Variants in TRRAP observed in about 807,000 individuals in gnomAD.
TRRAP encodes the protein transformation/transcription domain-associated protein.
In TRRAP, 41 loss-of-function variants were observed where a neutral mutation model predicts 438.8. That is an observed-to-expected ratio of 0.09 (90% CI 0.07 to 0.12). The LOEUF (loss-of-function observed/expected upper bound fraction) is 0.12. Ranked by LOEUF, TRRAP falls within the 10% of genes least tolerant of loss-of-function variation. The pLI, the probability that TRRAP is intolerant of heterozygous loss-of-function variation, is 1.00. For missense variants in TRRAP, 3,122 were observed against 5,055.1 expected, an observed-to-expected ratio of 0.62 and a Z score of 11.60; for synonymous variants, 1,994 against 1,962.9, an observed-to-expected ratio of 1.02 and a Z score of -0.42.
chr7:98,986,673 T>C (rs1793163403), intron 62 of TRRAP, among the ~76,000 whole-genome samples: 1 of 152,232 alleles, frequency 6.6e-6, no homozygotes. Context: ...TTTTTGATAG[T>C]GTCCTTTAAT....
In TRRAP at chr7:98,908,595, T is replaced by C; in HGVS notation, c.1116-133T>C. ...GTCATGTATCTGGGAGAGAGTAATG[T>C]GGTGAAAATGGGCCATGTAAGTGTG... is the stretch of plus-strand genomic sequence containing the variant. On this transcript the variant is annotated intron_variant, in intron 13 of 72. Coordinates refer to ENST00000456197, the MANE Select transcript of TRRAP (RefSeq NM_001375524.1). This position sits in a 1 kb window ranked among gnomAD's most constrained non-coding sequence, Gnocchi z 4.1. The C allele has an allele frequency of 1.5e-6, 1 of 688,982 alleles. No homozygotes were observed. Among genetic ancestry groups the C allele is most frequent in the Non-Finnish European group, 2.5e-6 (1 of 399,788 alleles). 42.7% of individuals were successfully genotyped at this position (688,982 alleles called of 1,614,324 possible). A position where few individuals can be genotyped will look rare whatever the true frequency, so the allele number is the denominator to read the frequency against.
intron 28 of TRRAP, among the ~76,000 whole-genome samples, chr7:98,936,598 G>A (rs138350504): frequency 2.8e-3 from 427 of 152,296 alleles, no homozygotes; most frequent in South Asian, 3.7e-3. Context: ...TGGGCTGTGT[G>A]TGTCTGTCCC....
chr7:98,953,154 T>C lies in TRRAP; in HGVS notation c.5464-13T>C, dbSNP rs782764854. 4 of 1,605,198 alleles carry C rather than the reference T, an allele frequency of 2.5e-6. No individual in the cohort carries two copies. In the African/African-American group the frequency reaches 5.4e-5, roughly 22 times the overall value. ...ACAACTGGAAATGAGTCCTTCCTGC[T>C]GTCCCTGCACAGGTCCTGGACCCCG... is the stretch of plus-strand genomic sequence containing the variant. On this transcript the variant is annotated splice_polypyrimidine_tract_variant and intron_variant, in intron 39 of 72. Transcript: ENST00000456197.
chr7:99,002,723 G>GA (rs956156582), intron 67 of TRRAP, among the ~76,000 whole-genome samples: 15 of 150,658 alleles, frequency 1.0e-4, no homozygotes, highest in South Asian at 2.1e-4. Context: ...CAAGTGCTAT[G>GA]AAAAAAAAAC....
intron 39 of TRRAP, 49 bp from the exon 40 acceptor site, chr7:98,953,118 T>G (rs1554418613): frequency 3.2e-6 from 5 of 1,577,308 alleles, no homozygotes; most frequent in Non-Finnish European, 4.3e-6. Context: ...CCTCAGTCAG[T>G]AACCCAGTTC....
intron 69 of TRRAP, among the ~76,000 whole-genome samples, chr7:99,007,051 A>G (rs1377346589): frequency 6.6e-6 from 1 of 152,194 alleles, no homozygotes; most frequent in African/African-American, 2.4e-5. Context: ...TGCATCTCCA[A>G]TACCGAATGG....
rs1796081910 is a variant in TRRAP at position 98,893,891 on chromosome 7, T to G, written c.450+10T>G. Reference sequence around the variant, plus strand: ...ACCGATCACACAAGAAGTAAGTTGTTTAAAATCCTTATAGCATTTATAAAG... The same window carrying G: ...ACCGATCACACAAGAAGTAAGTTGTGTAAAATCCTTATAGCATTTATAAAG... On this transcript the variant is annotated intron_variant, in intron 6 of 72. Coordinates refer to ENST00000456197, the MANE Select transcript of TRRAP (RefSeq NM_001375524.1). 1 of 1,611,582 alleles carries G rather than the reference T, an allele frequency of 6.2e-7. No homozygotes were observed. The highest frequency in any genetic ancestry group is 8.5e-7 in the Non-Finnish European group (1 of 1,179,224).
chr7:99,000,994 A>T lies in TRRAP; in HGVS notation c.10310-3196A>T, dbSNP rs144416142. Among the ~76,000 whole-genome samples the T allele has an allele frequency of 6.1e-3, 935 of 152,358 alleles. 17 individuals carry two copies. Among genetic ancestry groups the T allele is most frequent in the African/African-American group, 0.021 (882 of 41,572 alleles). On this transcript the variant is annotated intron_variant, in intron 67 of 72. Transcript: ENST00000456197. ...TCACTGATGGGTTAAATCGTAGACT[A>T]AGTGGTTCACATGTGTGGTATTCAA...
intron 47 of TRRAP, among the ~76,000 whole-genome samples, chr7:98,963,720 A>C (rs1792027883): frequency 6.6e-6 from 1 of 152,198 alleles, no homozygotes; most frequent in Non-Finnish European, 1.5e-5. Context: ...CTTTTAACAA[A>C]GCTAGCCTGA....
At chr7:99,009,872 A>G (rs1452724087) in intron 70 of TRRAP, among the ~76,000 whole-genome samples, 3 of 124,048 alleles carry the variant, frequency 2.4e-5, no homozygotes, top group South Asian at 2.5e-4. Context: ...CTACTCCTTC[A>G]TTCTTCTCTT....
rs139303071 is a variant in TRRAP, at chr7:98,987,197, C to G, written c.9390-1568C>G. On this transcript the variant is annotated intron_variant, in intron 62 of 72. Coordinates refer to ENST00000456197, the MANE Select transcript of TRRAP (RefSeq NM_001375524.1). The stretch of plus-strand genomic sequence containing the variant: ...GGACTCTCACTTCTATTCCATTGAT[C>G]TGCTATGTAGAGTCTCATATTTCCA... 2.0e-5 allele frequency among the ~76,000 whole-genome samples: 3 copies of G among 152,318 alleles called. No homozygotes were observed. In the East Asian group the frequency reaches 5.8e-4, roughly 29 times the overall value.
intron 19 of TRRAP, among the ~76,000 whole-genome samples, chr7:98,917,176 T>C (rs1292118960): frequency 6.6e-6 from 1 of 152,164 alleles, no homozygotes; most frequent in Non-Finnish European, 1.5e-5. Context: ...TAAAAGGATA[T>C]AGTACTATGA....
rs2116815131 is a variant in TRRAP, at chr7:98,994,677, C to A, written c.10138C>A (p.His3380Asn). Residue 3380 changes from histidine to asparagine, a missense_variant, in exon 67 of 73, where the codon CAC becomes AAC. Coordinates refer to ENST00000456197, the MANE Select transcript of TRRAP (RefSeq NM_001375524.1). The surrounding 1 kb of genome is among the most constrained non-coding windows in gnomAD (Gnocchi z 4.8). The part of the protein sequence containing the change: ...GAVSDAKITP[H>N]TLNFVKKLVS... ...GGTGTCCGATGCTAAAATCACCCCC[C>A]ACACTCTCAATTTTGTGAAGAAGTT... is the stretch of plus-strand genomic sequence containing the variant. 6.2e-7 allele frequency: 1 copy of A among 1,614,208 alleles called. No homozygotes were observed. The highest frequency in any genetic ancestry group is 8.5e-7 in the Non-Finnish European group (1 of 1,180,052).
rs143566861 is a variant in TRRAP, at chr7:98,910,283, C to T, written c.1578C>T (p.Pro526=). 4.9e-5 allele frequency: 78 copies of T among 1,603,458 alleles called. 1 individual carries two copies. In the African/African-American group the frequency reaches 1.0e-3, roughly 21 times the overall value. ...CTGTGACCCCGGCCCCCGTGCCTCC[C>T]TTCGAGAAGCAAGGAGAAAAGGACA... ...ATPVTPAPVP[P]FEKQGEKDKE... The change falls in exon 15 of 73, where the codon CCC becomes CCT. Residue 526 remains proline, a synonymous_variant. Transcript: ENST00000456197.
Position 99,012,540 on chromosome 7 carries a change from TA to T in TRRAP, c.*186del. ...AATATAGTTTTAGAGGAAGCTGAAC[TA>T]TGACGATGCTGGGCGAAGCGGTTGG... On this transcript the variant is annotated 3_prime_UTR_variant, in exon 73 of 73. Transcript: ENST00000456197. This position sits in a 1 kb window ranked among gnomAD's most constrained non-coding sequence, Gnocchi z 5.9. 1.4e-6 allele frequency: 1 copy of T among 723,690 alleles called. No individual in the cohort carries two copies. 44.8% of individuals were successfully genotyped at this position (723,690 alleles called of 1,614,324 possible).
chr7:98,970,013 T>G (rs1259463565), intron 51 of TRRAP, 99 bp from the exon 52 acceptor site: 1 of 1,437,466 alleles, frequency 7.0e-7, no homozygotes, highest in Non-Finnish European at 9.5e-7. Flanking sequence ...ACCTGCAGAG[T>G]CAGAGGTGCC....
chr7:98,913,826 TTA>T (rs1491139707), intron 18 of TRRAP, among the ~76,000 whole-genome samples: 16 of 152,216 alleles, frequency 1.1e-4, no homozygotes, highest in African/African-American at 3.6e-4. Flanking sequence ...CCATCCATAG[TTA>T]TATTACTAAA....
chr7:98,879,561 C>T (rs7781936), intron 1 of TRRAP, among the ~76,000 whole-genome samples: 3,290 of 147,716 alleles, frequency 0.022, 69 homozygotes, highest in South Asian at 0.032. Context: ...TGGGTCCCCT[C>T]GGATGGGGAT....
intron 33 of TRRAP, 128 bp downstream of exon 33, chr7:98,946,078 GT>G: frequency 2.1e-6 from 2 of 961,224 alleles, no homozygotes; most frequent in South Asian, 2.2e-5. Flanking sequence ...GACCTGTATT[GT>G]CTGTCTGTGG....
Sources: gnomAD v4.1 joint callset for allele counts (sites outside exome capture counted in the v4.1 genomes callset) on GRCh38, gnomAD v4.1.1 for gene constraint, Gnocchi (gnomAD v3.1) non-coding constraint, MANE v1.5 for transcripts, NCBI Gene and HGNC (gene_info 2026-07-23, HGNC 2026-07-21) for gene names.